The following LRP1B variants were observed in gnomAD, a reference collection of about 807,000 sequenced individuals.
The protein encoded by LRP1B is LDL receptor related protein 1B, also known as low-density lipoprotein receptor-related protein 1B.
Under a neutral mutation model 556.6 loss-of-function variants are expected in LRP1B, and 217 were observed. That is an observed-to-expected ratio of 0.39 (90% CI 0.35 to 0.44). LRP1B has a LOEUF of 0.44. LRP1B is among the 20% of genes least tolerant of loss of function. LRP1B has a pLI of 1.00. For missense variants in LRP1B, 5,053 were observed against 5,620.8 expected, an observed-to-expected ratio of 0.90 and a Z score of 3.23; for synonymous variants, 2,047 against 1,865.8, an observed-to-expected ratio of 1.10 and a Z score of -2.50.
At chr2:141,534,705 T>A (rs1167750214) in intron 2 of LRP1B, among the ~76,000 whole-genome samples, 2 of 152,132 alleles carry the variant, frequency 1.3e-5, no homozygotes, top group Non-Finnish European at 2.9e-5. Flanking sequence ...AGCTTTTTAC[T>A]GGTAGTTGGC....
chr2:140,912,944 T>C (rs1210839752), intron 21 of LRP1B, among the ~76,000 whole-genome samples: 1 of 151,212 alleles, frequency 6.6e-6, no homozygotes, highest in African/African-American at 2.4e-5. Flanking sequence ...AACGGACTTG[T>C]TTTTAGTTTA....
chr2:140,936,147 CT>C (rs573489909), intron 20 of LRP1B, among the ~76,000 whole-genome samples: 95 of 151,288 alleles, frequency 6.3e-4, no homozygotes, highest in Admixed American at 1.6e-3. Flanking sequence ...CGAGACCAGC[CT>C]GATCAACGTG....
intron 15 of LRP1B, 50 bp downstream of exon 15, chr2:141,005,285 C>T: frequency 6.3e-7 from 1 of 1,590,428 alleles, no homozygotes; most frequent in East Asian, 2.3e-5. Context: ...TGCTTCTAGT[C>T]TTCAGAAAGA....
In LRP1B at chr2:141,871,535, T is replaced by C. The variant is rs186807502; in HGVS notation, c.83-61134A>G. On this transcript the variant is annotated intron_variant, in intron 1 of 90. Transcript: ENST00000389484. ...AAATGCATCTACCAAAAAAGGAGAA[T>C]ACCAACTCTTGATACTAGACTAAGA... 3.2e-4 allele frequency among the ~76,000 whole-genome samples: 49 copies of C among 152,042 alleles called. 1 individual carries two copies. Among genetic ancestry groups the C allele is most frequent in the Admixed American group, 2.8e-3 (43 of 15,242 alleles).
chr2:141,162,885 G>T (rs1680096423), intron 7 of LRP1B, among the ~76,000 whole-genome samples: 1 of 152,082 alleles, frequency 6.6e-6, no homozygotes, highest in African/African-American at 2.4e-5. Context: ...TATGGGTTTT[G>T]ATTTTCCAGA....
intron 35 of LRP1B, among the ~76,000 whole-genome samples, chr2:140,723,099 T>C (rs1314352935): frequency 2.0e-5 from 3 of 152,170 alleles, no homozygotes; most frequent in Admixed American, 1.3e-4. Context: ...TCATTTCATC[T>C]TCTTCATCAA....
intron 35 of LRP1B, among the ~76,000 whole-genome samples, chr2:140,767,154 C>A (rs1016279475): frequency 1.3e-5 from 2 of 151,670 alleles, no homozygotes; most frequent in Admixed American, 6.6e-5. Context: ...AGATCTCTAA[C>A]CTTCTTTGGT....
chr2:142,021,546 A>G (rs184885905), intron 1 of LRP1B, among the ~76,000 whole-genome samples: 1 of 152,266 alleles, frequency 6.6e-6, no homozygotes, highest in East Asian at 1.9e-4. Flanking sequence ...AATGATCTCC[A>G]TAAGGAAAAT....
chr2:140,347,049 A>C (rs1681722249), intron 77 of LRP1B, among the ~76,000 whole-genome samples: 2 of 151,858 alleles, frequency 1.3e-5, no homozygotes, highest in Admixed American at 1.3e-4. Context: ...TAAAAATTTA[A>C]TCTGTACTTT....
At chr2:141,176,773 C>G (rs1025144637) in intron 7 of LRP1B, among the ~76,000 whole-genome samples, 1 of 151,616 alleles carries the variant, frequency 6.6e-6, no homozygotes, top group Non-Finnish European at 1.5e-5. Flanking sequence ...AATAATAAAA[C>G]TGAATTTTGA....
intron 1 of LRP1B, among the ~76,000 whole-genome samples, chr2:142,089,619 A>C (rs376882662): frequency 1.3e-5 from 2 of 152,226 alleles, no homozygotes; most frequent in East Asian, 3.9e-4. Flanking sequence ...AGTGTGGTCC[A>C]AGACTGGACA....
intron 2 of LRP1B, among the ~76,000 whole-genome samples, chr2:141,768,471 A>T (rs1694797594): frequency 6.6e-6 from 1 of 152,110 alleles, no homozygotes; most frequent in African/African-American, 2.4e-5. Flanking sequence ...TTTTAATTTC[A>T]TTACTTTGTA....
At chr2:141,539,988 T>C (rs1019369607) in intron 2 of LRP1B, among the ~76,000 whole-genome samples, 9 of 152,078 alleles carry the variant, frequency 5.9e-5, no homozygotes, top group Non-Finnish European at 1.3e-4. Flanking sequence ...TATGTTACTA[T>C]AATCAAAAGC....
intron 3 of LRP1B, among the ~76,000 whole-genome samples, chr2:141,418,191 GT>G (rs1679985825): frequency 6.6e-6 from 1 of 151,872 alleles, no homozygotes; most frequent in African/African-American, 2.4e-5. Context: ...CACTGTTTAG[GT>G]TTCACTCTGT....
intron 7 of LRP1B, among the ~76,000 whole-genome samples, chr2:141,154,914 A>C (rs892388571): frequency 6.6e-6 from 1 of 151,946 alleles, no homozygotes; most frequent in Non-Finnish European, 1.5e-5. Flanking sequence ...GAAAGAGTTC[A>C]GTATAGCCAG....
intron 41 of LRP1B, among the ~76,000 whole-genome samples, chr2:140,659,635 C>T (rs1685021128): frequency 6.6e-6 from 1 of 151,958 alleles, no homozygotes; most frequent in Admixed American, 6.6e-5. Context: ...ATGAACCCCA[C>T]CTACAAATTT....
rs573316601 is a variant in LRP1B, at chr2:140,810,575, G to A, written c.5359+3082C>T. Reference sequence around the variant, plus strand: ...AGGGGTGGAGGTTTTGAAAGAAGGAGAACCCTGAGGAGAAGAGTAAGTTTA... The same window carrying A: ...AGGGGTGGAGGTTTTGAAAGAAGGAAAACCCTGAGGAGAAGAGTAAGTTTA... On this transcript the variant is annotated intron_variant, in intron 32 of 90. Transcript: ENST00000389484. 8.0e-3 allele frequency among the ~76,000 whole-genome samples: 1,207 copies of A among 151,510 alleles called. 21 individuals are homozygous for A. Among genetic ancestry groups the A allele is most frequent in the African/African-American group, 0.028 (1,168 of 41,366 alleles).
At chr2:141,415,890 A>C (rs1371900980) in intron 3 of LRP1B, among the ~76,000 whole-genome samples, 1 of 152,228 alleles carries the variant, frequency 6.6e-6, no homozygotes, top group Non-Finnish European at 1.5e-5. Context: ...TCTGTACATT[A>C]AATTCAGAGG....
intron 1 of LRP1B, among the ~76,000 whole-genome samples, chr2:141,882,260 G>T (rs1698980876): frequency 6.6e-6 from 1 of 152,104 alleles, no homozygotes; most frequent in Non-Finnish European, 1.5e-5. Flanking sequence ...AGTGGTAGAT[G>T]ATATTGAATG....
Sources: allele counts gnomAD v4.1 joint callset (sites outside exome capture counted in the v4.1 genomes callset), GRCh38; gene constraint gnomAD v4.1.1; transcripts MANE v1.5; gene names NCBI Gene and HGNC (gene_info 2026-07-23, HGNC 2026-07-21).